DNAH10: variants seen among roughly 807,000 people sequenced by gnomAD.
DNAH10 encodes axonemal beta dynein heavy chain 10.
In DNAH10, 348 loss-of-function variants were observed where a neutral mutation model predicts 506.6. That is an observed-to-expected ratio of 0.69 (90% CI 0.63 to 0.75). The LOEUF is 0.75. Among genes scored for constraint, DNAH10 ranks in the 30% least tolerant of loss-of-function variants. The probability of loss-of-function intolerance (pLI) is 0.00; values close to 1 mark genes in which losing one functional copy is unlikely to be tolerated. For missense variants in DNAH10, 5,179 were observed against 5,787.1 expected (o/e 0.89, Z 3.41); for synonymous variants, 2,059 against 2,198.6 (o/e 0.94, Z 1.78).
At chr12:123,870,279 A>G (rs1326052032) in intron 43 of DNAH10, 87 bp from the exon 44 acceptor site, 2 of 1,523,230 alleles carry the variant, frequency 1.3e-6, no homozygotes, top group African/African-American at 2.7e-5. Flanking sequence ...AGTACAAGCA[A>G]CATTAGTTCA....
chr12:123,918,366 C>T (rs1954578185), intron 64 of DNAH10, among the ~76,000 whole-genome samples: 1 of 152,238 alleles, frequency 6.6e-6, no homozygotes, highest in African/African-American at 2.4e-5. Context: ...ATGCTAGGCT[C>T]AGGTTAGCTG....
At chr12:123,859,366 C>T in intron 38 of DNAH10, 98 bp downstream of exon 38, 1 of 992,200 alleles carries the variant, frequency 1.0e-6, no homozygotes, top group Admixed American at 3.9e-5. Flanking sequence ...TCTCTGATTT[C>T]CTGGGAGGGT....
rs1952213826 is a variant in DNAH10, at chr12:123,875,393, C to G, written c.8101C>G (p.Pro2701Ala). The change falls in exon 47 of 79, where the codon CCA becomes GCA. Residue 2701 changes from proline (P) to alanine (A), a missense_variant. By Grantham distance (27) the Pro-to-Ala change is conservative (BLOSUM62 -1). Transcript: ENST00000673944. The part of the protein sequence containing the change: ...KAGGGRNEVD[P>A]RFISLFSVFN... ...TGGAGGAGGCCGCAATGAAGTTGAC[C>G]CAAGATTTATTTCGCTATTCAGTGT... is the stretch of plus-strand genomic sequence containing the variant. 3 of 1,613,970 alleles carry G rather than the reference C, an allele frequency of 1.9e-6. No homozygotes were observed. The East Asian group carries it at 6.7e-5, about 36-fold the overall frequency.
chr12:123,861,198 C>G (rs1284910721), intron 39 of DNAH10, 28 bp downstream of exon 39: 8 of 1,609,716 alleles, frequency 5.0e-6, no homozygotes, highest in Non-Finnish European at 5.9e-6. Flanking sequence ...TAGGAAAGAG[C>G]CTGGGTTAGT....
rs1283114842 is a variant in DNAH10, at chr12:123,907,563, G to A, written c.9816-1698G>A. ...ACCCAACAGCAGAAAACGTCACTTTGGTAGACTCAGAGGATTTGGGAACTG... is the reference window on the plus strand; with the variant it reads ...ACCCAACAGCAGAAAACGTCACTTTAGTAGACTCAGAGGATTTGGGAACTG... On this transcript the variant is annotated intron_variant, in intron 57 of 78. Coordinates refer to ENST00000673944, the MANE Select transcript of DNAH10 (RefSeq NM_001372106.1). This position sits in a 1 kb window ranked among gnomAD's most constrained non-coding sequence, Gnocchi z 4.4. 6.6e-6 allele frequency among the ~76,000 whole-genome samples: 1 copy of A among 152,162 alleles called. No homozygotes were observed. The highest frequency in any genetic ancestry group is 1.5e-5 in the Non-Finnish European group (1 of 68,030).
intron 54 of DNAH10, among the ~76,000 whole-genome samples, chr12:123,896,148 C>CACACACACACACAT (rs1383690518): frequency 1.0e-5 from 1 of 95,272 alleles, no homozygotes; most frequent in African/African-American, 5.2e-5. Flanking sequence ...CACACACACA[C>CACACACACACACAT]AGAGAGAGAG....
Position 123,924,353 on chromosome 12 carries a change from T to C in DNAH10, c.11687T>C (p.Ile3896Thr). 2 of 1,613,770 alleles carry C rather than the reference T, an allele frequency of 1.2e-6. No homozygotes were observed. Among genetic ancestry groups the C allele is most frequent in the Non-Finnish European group, 1.7e-6 (2 of 1,179,780 alleles). The stretch of plus-strand genomic sequence containing the variant: ...TCTGACCAAGGATGGGAAGATATCA[T>C]TCTTTTATCAGAAATGTTTTCAGAC... Reference protein sequence around the residue: ...WLSDQGWEDIILLSEMFSDNF... With the variant: ...WLSDQGWEDITLLSEMFSDNF... Residue 3896 changes from isoleucine (I) to threonine (T), a missense_variant, in exon 67 of 79, where the codon ATT (isoleucine) becomes ACT (threonine). By Grantham distance (89) the Ile-to-Thr change is moderately conservative. Transcript: ENST00000673944.
rs371388675 is a variant in DNAH10 at position 123,833,748 on chromosome 12, G to C, written c.4779+401G>C. Among the ~76,000 whole-genome samples, 8 of 152,164 alleles carry C rather than the reference G, an allele frequency of 5.3e-5. No homozygotes were observed. In the South Asian group the frequency reaches 8.3e-4, roughly 16 times the overall value. On this transcript the variant is annotated intron_variant, in intron 27 of 78. Coordinates refer to ENST00000673944, the MANE Select transcript of DNAH10 (RefSeq NM_001372106.1). ...ATGTCTGTTGACTCTCTCTTGTGGT[G>C]GTGGATTTTCCTCTGTGTGATTTTG...
At chr12:123,778,144 A>C (rs188927728) in intron 5 of DNAH10, among the ~76,000 whole-genome samples, 1 of 152,018 alleles carries the variant, frequency 6.6e-6, no homozygotes, top group Admixed American at 6.6e-5. Context: ...TTAAGGTTGC[A>C]GTGCATGGTG....
At chr12:123,845,497 G>T in intron 30 of DNAH10, 103 bp from the exon 31 acceptor site, 1 of 1,456,306 alleles carries the variant, frequency 6.9e-7, no homozygotes. Flanking sequence ...CCTTTACTTT[G>T]CCCTCCCTAT....
chr12:123,862,349 CCTT>C (rs911222873), intron 39 of DNAH10, among the ~76,000 whole-genome samples: 11 of 151,932 alleles, frequency 7.2e-5, no homozygotes, highest in South Asian at 2.1e-4. Context: ...TCCTCCTTCT[CCTT>C]CTTCTTCTCC....
rs114966589 is a variant in DNAH10 at position 123,883,575 on chromosome 12, G to T, written c.8823+1762G>T. Among the ~76,000 whole-genome samples the T allele has an allele frequency of 3.7e-3, 569 of 152,178 alleles. 2 individuals are homozygous for T. Among genetic ancestry groups the T allele is most frequent in the African/African-American group, 0.013 (541 of 41,500 alleles). Reference sequence around the variant, plus strand: ...CAAAATGCCTCTGTTTTTGCCTCTGGTTGCATGATACACATGCATGCTTAT... The same window carrying T: ...CAAAATGCCTCTGTTTTTGCCTCTGTTTGCATGATACACATGCATGCTTAT... On this transcript the variant is annotated intron_variant, in intron 51 of 78. Coordinates refer to ENST00000673944, the MANE Select transcript of DNAH10 (RefSeq NM_001372106.1).
In DNAH10 at chr12:123,918,720, C is replaced by A. The variant is rs770239948; in HGVS notation, c.11277C>A (p.Ile3759=). Residue 3759 remains isoleucine, a synonymous_variant, in exon 65 of 79, where the codon ATC becomes ATA. Transcript: ENST00000673944. ...TGGCGGAGAAGACAGCCTTGGACAT[C>A]GACAGGCTGCGGGATGGCTACCGGC... ...LKLAEKTALD[I]DRLRDGYRPA... is the part of the protein sequence containing the mutation. 12 of 1,592,066 alleles carry A rather than the reference C, an allele frequency of 7.5e-6. No homozygotes were observed. The highest frequency in any genetic ancestry group is 9.4e-6 in the Non-Finnish European group (11 of 1,165,184).
chr12:123,920,802 C>T (rs2137570309), intron 65 of DNAH10, among the ~76,000 whole-genome samples: 1 of 152,218 alleles, frequency 6.6e-6, no homozygotes, highest in African/African-American at 2.4e-5. Flanking sequence ...CAGGGTCTGG[C>T]TCTGATGCCC....
At chr12:123,924,152 C>A in intron 66 of DNAH10, 126 bp from the exon 67 acceptor site, 1 of 1,308,500 alleles carries the variant, frequency 7.6e-7, no homozygotes, top group Non-Finnish European at 1.0e-6. Context: ...AAGCCTGGGC[C>A]ACTTCCTGTT....
chr12:123,848,355 A>G (rs1951037567), intron 33 of DNAH10, among the ~76,000 whole-genome samples: 1 of 152,232 alleles, frequency 6.6e-6, no homozygotes, highest in South Asian at 2.1e-4. Context: ...CCAGCAGACA[A>G]GAGAGTGGTG....
At chr12:123,888,366 A>G (rs1952832509) in intron 52 of DNAH10, among the ~76,000 whole-genome samples, 1 of 152,220 alleles carries the variant, frequency 6.6e-6, no homozygotes, top group Non-Finnish European at 1.5e-5. Flanking sequence ...GATCTTGAGA[A>G]CGAGACCTTT....
intron 65 of DNAH10, among the ~76,000 whole-genome samples, chr12:123,922,249 T>C (rs541568677): frequency 6.6e-6 from 1 of 150,466 alleles, no homozygotes; most frequent in East Asian, 2.0e-4. Flanking sequence ...GGCAGGCACC[T>C]GTAGTCCCAG....
At chr12:123,882,142 T>C (rs567629190) in intron 51 of DNAH10, 3 of 207,990 alleles carry the variant, frequency 1.4e-5, no homozygotes, top group Non-Finnish European at 2.8e-5. Flanking sequence ...AAATCCTAAG[T>C]GGAACCATCA....
Sources: gnomAD v4.1 joint callset for allele counts (sites outside exome capture counted in the v4.1 genomes callset) on GRCh38, gnomAD v4.1.1 for gene constraint, Gnocchi (gnomAD v3.1) non-coding constraint, MANE v1.5 for transcripts, NCBI Gene and HGNC (gene_info 2026-07-23, HGNC 2026-07-21) for gene names.